Variants in KAZN observed in about 807,000 individuals in gnomAD.
KAZN encodes kazrin.
A neutral mutation model predicts 87.4 loss-of-function variants in KAZN; 40 were observed. That is an observed-to-expected ratio of 0.46 (90% CI 0.36 to 0.60). The LOEUF (loss-of-function observed/expected upper bound fraction) is 0.60, where lower values mean the gene tolerates loss of function less well. Ranked by LOEUF, KAZN falls within the 20% of genes least tolerant of loss-of-function variation. The pLI is 0.00. For synonymous variants in KAZN, 466 were observed against 458.3 expected, an observed-to-expected ratio of 1.02 and a Z score of -0.22; for missense variants, 898 against 1,073.9, an observed-to-expected ratio of 0.84 and a Z score of 2.29.
chr1:14,849,301 A>G (rs140555199), intron 1 of KAZN, among the ~76,000 whole-genome samples: 109 of 152,308 alleles, frequency 7.2e-4, no homozygotes, highest in African/African-American at 2.3e-3. Context: ...TACAGCCCTC[A>G]TTTGAGTGTT....
At chr1:14,516,305 C>A (rs1358673329) in intron 2 of KAZN, among the ~76,000 whole-genome samples, 1 of 152,208 alleles carries the variant, frequency 6.6e-6, no homozygotes, top group African/African-American at 2.4e-5. Context: ...ACAGGCTCTC[C>A]CTCGTGGTGG....
intron 1 of KAZN, among the ~76,000 whole-genome samples, chr1:14,841,887 A>G (rs879443873): frequency 1.3e-5 from 2 of 152,154 alleles, no homozygotes; most frequent in African/African-American, 2.4e-5. Flanking sequence ...TAGCCACTCC[A>G]GCATCCTGAC....
At chr1:14,409,024 A>G (rs1664091973) in intron 2 of KAZN, among the ~76,000 whole-genome samples, 2 of 152,084 alleles carry the variant, frequency 1.3e-5, no homozygotes, top group South Asian at 4.2e-4. Context: ...GGCAGAGGGA[A>G]TTTTTTCAAT....
intron 2 of KAZN, among the ~76,000 whole-genome samples, chr1:14,991,049 GCCTCAGAAAGAACCAAC>G (rs1321533988): frequency 6.6e-6 from 1 of 151,648 alleles, no homozygotes; most frequent in Non-Finnish European, 1.5e-5. Flanking sequence ...TCTTTCTGCA[GCCTCAGAAAGAACCAAC>G]CCTTGGCCGG....
At chr1:14,417,839 AG>A (rs1401470738) in intron 2 of KAZN, among the ~76,000 whole-genome samples, 8 of 151,516 alleles carry the variant, frequency 5.3e-5, no homozygotes, top group Non-Finnish European at 1.5e-5. Context: ...TACTAAAAAT[AG>A]AAAAAATTAG....
intron 1 of KAZN, among the ~76,000 whole-genome samples, chr1:13,899,680 G>A (rs899354542): frequency 3.9e-4 from 55 of 141,090 alleles, no homozygotes; most frequent in African/African-American, 1.4e-3. Context: ...GTCTCGCACT[G>A]TCGCCCAGGC....
chr1:14,902,227 A>AT (rs550847895), intron 1 of KAZN, among the ~76,000 whole-genome samples: 19,883 of 144,590 alleles, frequency 0.14, 1,339 homozygotes, highest in Middle Eastern at 0.23. Context: ...GAGAACTGCA[A>AT]TTTTTTTTTT....
At chr1:14,100,989 A>C (rs1487278571) in intron 1 of KAZN, among the ~76,000 whole-genome samples, 3 of 151,888 alleles carry the variant, frequency 2.0e-5, no homozygotes, top group African/African-American at 7.3e-5. Flanking sequence ...GATATGACTT[A>C]CTCCTCCTTG....
chr1:14,451,074 C>T (rs1488529023), intron 2 of KAZN, among the ~76,000 whole-genome samples: 1 of 152,122 alleles, frequency 6.6e-6, no homozygotes, highest in African/African-American at 2.4e-5. Flanking sequence ...ATAAAAACTC[C>T]CTGAAGCCTC....
At chr1:14,189,588 A>G (rs60144299) in intron 2 of KAZN, among the ~76,000 whole-genome samples, 1,810 of 152,222 alleles carry the variant, frequency 0.012, 40 homozygotes, top group African/African-American at 0.041. Context: ...CTCAGCTGCA[A>G]TGACTCACCT....
chr1:14,724,073 G>A (rs1019178465), intron 1 of KAZN, among the ~76,000 whole-genome samples: 4 of 152,202 alleles, frequency 2.6e-5, no homozygotes, highest in East Asian at 1.9e-4. Flanking sequence ...CAACAACAAC[G>A]TGATTTTTCT....
At chr1:14,513,362 T>C (rs1671020102) in intron 2 of KAZN, among the ~76,000 whole-genome samples, 1 of 152,164 alleles carries the variant, frequency 6.6e-6, no homozygotes, top group African/African-American at 2.4e-5. Flanking sequence ...ATTCTTTTGT[T>C]GATAGACTTC....
At chr1:15,097,679 G>C (rs1041490384) in intron 10 of KAZN, among the ~76,000 whole-genome samples, 1 of 152,260 alleles carries the variant, frequency 6.6e-6, no homozygotes, top group Non-Finnish European at 1.5e-5. Flanking sequence ...ATTAGTAGGC[G>C]TGGTGGTGTG....
intron 2 of KAZN, among the ~76,000 whole-genome samples, chr1:14,466,717 C>T (rs1402433239): frequency 6.6e-6 from 1 of 151,294 alleles, no homozygotes; most frequent in East Asian, 1.9e-4. Context: ...GCCTGTAATC[C>T]CAGCACTTCG....
chr1:14,605,110 A>T (rs1302066682), intron 1 of KAZN, among the ~76,000 whole-genome samples: 2 of 152,184 alleles, frequency 1.3e-5, no homozygotes, highest in Non-Finnish European at 2.9e-5. Context: ...CACTATTATT[A>T]TTCTCAGAAC....
intron 1 of KAZN, among the ~76,000 whole-genome samples, chr1:14,091,423 G>T: frequency 6.6e-6 from 1 of 152,210 alleles, no homozygotes; most frequent in East Asian, 1.9e-4. Context: ...ATAAGTGTGT[G>T]TATGTATGTG....
rs1638335725 is a variant in KAZN, at chr1:15,056,924, T to A, written c.916+644T>A. 6.6e-6 allele frequency among the ~76,000 whole-genome samples: 1 copy of A among 152,262 alleles called. No homozygotes were observed. Reference sequence around the variant, plus strand: ...GCAGGCCACCTTGCTCTGTTCTCTGTCCCTTCTGCAAGTAGTTGCCCTTAT... The same window carrying A: ...GCAGGCCACCTTGCTCTGTTCTCTGACCCTTCTGCAAGTAGTTGCCCTTAT... On this transcript the variant is annotated intron_variant, in intron 5 of 14. Transcript: ENST00000376030. This position sits in a 1 kb window ranked among gnomAD's most constrained non-coding sequence, Gnocchi z 5.4.
At chr1:14,869,358 G>C (rs1201655481) in intron 1 of KAZN, among the ~76,000 whole-genome samples, 1 of 152,142 alleles carries the variant, frequency 6.6e-6, no homozygotes, top group Admixed American at 6.5e-5. Flanking sequence ...ACTCTTTATG[G>C]AGCCTCAACG....
chr1:13,962,939 C>G (rs528170410), intron 1 of KAZN, among the ~76,000 whole-genome samples: 2 of 152,044 alleles, frequency 1.3e-5, no homozygotes, highest in Non-Finnish European at 2.9e-5. Context: ...ACAGCTTGCT[C>G]GAAGCCATGG....
Sources: gnomAD v4.1 joint callset for allele counts (sites outside exome capture counted in the v4.1 genomes callset) on GRCh38, gnomAD v4.1.1 for gene constraint, Gnocchi (gnomAD v3.1) non-coding constraint, MANE v1.5 for transcripts, NCBI Gene and HGNC (gene_info 2026-07-23, HGNC 2026-07-21) for gene names.